FBXL17: variants seen among roughly 807,000 people sequenced by gnomAD.
FBXL17 encodes F-box and leucine rich repeat protein 17.
A neutral mutation model predicts 66.2 loss-of-function variants in FBXL17; 22 were observed. The observed-to-expected ratio is 0.33, with a 90% CI of 0.24 to 0.47. The LOEUF is 0.47. Ranked by LOEUF, FBXL17 falls within the 20% of genes least tolerant of loss-of-function variation. The pLI, the probability that FBXL17 is intolerant of heterozygous loss-of-function variation, is 1.00. For synonymous variants in FBXL17, 474 were observed against 400.5 expected (o/e 1.18, Z -2.19); for missense variants, 878 against 948.2 (o/e 0.93, Z 0.97).
At chr5:108,337,708 T>A (rs199786037) in intron 4 of FBXL17, among the ~76,000 whole-genome samples, 15 of 142,276 alleles carry the variant, frequency 1.1e-4, no homozygotes, top group South Asian at 2.2e-4. Context: ...GTACAAAAAG[T>A]AAAAAAAAAA....
At chr5:108,365,018 T>C in intron 2 of FBXL17, 23 bp from the exon 3 acceptor site, 1 of 1,559,104 alleles carries the variant, frequency 6.4e-7, no homozygotes, top group Non-Finnish European at 8.7e-7. Context: ...AAGCAATAAA[T>C]TTAAACTTTT....
At chr5:108,051,256 T>C (rs1484235393) in intron 6 of FBXL17, among the ~76,000 whole-genome samples, 1 of 152,130 alleles carries the variant, frequency 6.6e-6, no homozygotes, top group African/African-American at 2.4e-5. Context: ...ACCATCCTGA[T>C]AGCAAAACTG....
intron 4 of FBXL17, among the ~76,000 whole-genome samples, chr5:108,312,958 T>C (rs1399033996): frequency 5.3e-5 from 8 of 152,076 alleles, no homozygotes; most frequent in Non-Finnish European, 1.0e-4. Flanking sequence ...ATTTAATCAA[T>C]TACAAATTCC....
chr5:108,250,692 T>C (rs1756311213), intron 4 of FBXL17, among the ~76,000 whole-genome samples: 1 of 152,062 alleles, frequency 6.6e-6, no homozygotes, highest in African/African-American at 2.4e-5. Flanking sequence ...AGATACAAAA[T>C]GAAAAGTTAA....
At chr5:108,009,119 A>G (rs957602526) in intron 7 of FBXL17, among the ~76,000 whole-genome samples, 3 of 146,898 alleles carry the variant, frequency 2.0e-5, no homozygotes, top group Non-Finnish European at 3.0e-5. Context: ...GCTTCTAAGA[A>G]TTATTTGCCA....
chr5:108,228,312 G>A (rs1023340013), intron 4 of FBXL17, among the ~76,000 whole-genome samples: 3 of 152,110 alleles, frequency 2.0e-5, no homozygotes, highest in African/African-American at 7.2e-5. Context: ...AGGGATTTGT[G>A]GCAGAAGGTC....
At chr5:108,076,400 T>A (rs887974790) in intron 6 of FBXL17, among the ~76,000 whole-genome samples, 1 of 152,298 alleles carries the variant, frequency 6.6e-6, no homozygotes, top group Admixed American at 6.5e-5. Flanking sequence ...CTTACTTATA[T>A]CTTTTTCACT....
intron 4 of FBXL17, among the ~76,000 whole-genome samples, chr5:108,297,306 C>A (rs1026476090): frequency 6.6e-6 from 1 of 151,640 alleles, no homozygotes; most frequent in African/African-American, 2.4e-5. Flanking sequence ...ATGAGAAGTA[C>A]AGTCTTTAGA....
intron 5 of FBXL17, among the ~76,000 whole-genome samples, chr5:108,186,775 GAA>G (rs374009151): frequency 3.6e-5 from 3 of 83,134 alleles, no homozygotes; most frequent in Admixed American, 1.2e-4. Flanking sequence ...ATCAAAAAAA[GAA>G]AAAAAAAAAA....
intron 1 of FBXL17, among the ~76,000 whole-genome samples, chr5:108,375,303 TC>T (rs1749341964): frequency 6.6e-6 from 1 of 151,720 alleles, no homozygotes; most frequent in East Asian, 1.9e-4. Flanking sequence ...AGGCTGCACT[TC>T]CATTTACATA....
intron 7 of FBXL17, among the ~76,000 whole-genome samples, chr5:107,976,532 C>G (rs1300043230): frequency 6.6e-6 from 1 of 152,110 alleles, no homozygotes; most frequent in Admixed American, 6.5e-5. Flanking sequence ...CAGCAGAAAC[C>G]TGAAGGCAGG....
intron 7 of FBXL17, among the ~76,000 whole-genome samples, chr5:107,920,575 A>C (rs1750281756): frequency 6.6e-6 from 1 of 152,238 alleles, no homozygotes; most frequent in African/African-American, 2.4e-5. Context: ...GAATCTGAGA[A>C]TATTTCTTAG....
intron 7 of FBXL17, among the ~76,000 whole-genome samples, chr5:108,002,214 G>A (rs1753759195): frequency 1.5e-5 from 2 of 129,284 alleles, no homozygotes; most frequent in Non-Finnish European, 3.0e-5. Flanking sequence ...TAGTAGAGAC[G>A]GGGTTTCACC....
rs144951193 is a variant in FBXL17, at chr5:108,295,325, A to G, written c.1506+53074T>C. 2.2e-4 allele frequency among the ~76,000 whole-genome samples: 34 copies of G among 152,042 alleles called. 1 individual carries two copies. In the Middle Eastern group the frequency reaches 0.01, roughly 46 times the overall value. On this transcript the variant is annotated intron_variant, in intron 4 of 8. Transcript: ENST00000542267. ...TTTTAATATTTTTTAAATATAAAAAATAACATTGAGCATTTAATTCTCATA... is the reference window on the plus strand; with the variant it reads ...TTTTAATATTTTTTAAATATAAAAAGTAACATTGAGCATTTAATTCTCATA...
intron 7 of FBXL17, among the ~76,000 whole-genome samples, chr5:107,972,714 G>A (rs1752418116): frequency 6.6e-6 from 1 of 151,882 alleles, no homozygotes; most frequent in African/African-American, 2.4e-5. Flanking sequence ...TATTTTCCTG[G>A]CTAAGCAACC....
chr5:108,331,145 A>C (rs1327692855), intron 4 of FBXL17, among the ~76,000 whole-genome samples: 2 of 152,230 alleles, frequency 1.3e-5, no homozygotes, highest in Non-Finnish European at 2.9e-5. Context: ...CAATGTTAAA[A>C]AGTGCTAATT....
intron 6 of FBXL17, among the ~76,000 whole-genome samples, chr5:108,089,221 G>A (rs991954920): frequency 2.4e-4 from 36 of 152,164 alleles, no homozygotes; most frequent in Non-Finnish European, 2.9e-5. Context: ...GGTCTTGCGA[G>A]CCAGTTAGAA....
At chr5:108,309,244 G>C (rs966836428) in intron 4 of FBXL17, among the ~76,000 whole-genome samples, 1 of 151,850 alleles carries the variant, frequency 6.6e-6, no homozygotes, top group Admixed American at 6.6e-5. Flanking sequence ...CAAAATAACA[G>C]AGCATAGCCA....
At chr5:107,996,856 T>C (rs571072104) in intron 7 of FBXL17, among the ~76,000 whole-genome samples, 95 of 152,288 alleles carry the variant, frequency 6.2e-4, no homozygotes, top group African/African-American at 1.7e-3. Flanking sequence ...TTTAAGCAGA[T>C]AGTAATTTTG....
Sources: gnomAD v4.1 joint callset for allele counts (sites outside exome capture counted in the v4.1 genomes callset) on GRCh38, gnomAD v4.1.1 for gene constraint, MANE v1.5 for transcripts, NCBI Gene and HGNC (gene_info 2026-07-23, HGNC 2026-07-21) for gene names.